The following SBK3 variants were observed in gnomAD, a reference collection of about 807,000 sequenced individuals.
SBK3 encodes uncharacterized serine/threonine-protein kinase SBK3.
In SBK3, 16 loss-of-function variants were observed where a neutral mutation model predicts 12.7. The ratio of observed to expected loss-of-function variants is 1.26; its 90% confidence interval spans 0.86 to 1.92. The LOEUF (loss-of-function observed/expected upper bound fraction) is 1.92. SBK3 is among the 40% of genes most tolerant of loss of function. The pLI is 0.00. For missense variants in SBK3, 462 were observed against 481.8 expected (o/e 0.96, Z 0.38); for synonymous variants, 217 against 213.6 (o/e 1.02, Z -0.14).
In SBK3 at chr19:55,541,386, G is replaced by A; in HGVS notation, c.540C>T (p.Ala180=). Reference sequence around the variant, plus strand: ...GCCGGGTCAGACCCAGGTCTCCCAGGGCCACACGGCTGCAGACCGGGTCGA... The same window carrying A: ...GCCGGGTCAGACCCAGGTCTCCCAGAGCCACACGGCTGCAGACCGGGTCGA... ...LVFDPVCSRV[A]LGDLGLTRPE... The change falls in exon 4 of 4, where the codon GCC becomes GCT. Residue 180 remains alanine (A), a synonymous_variant. Transcript: ENST00000612221. This position sits in a 1 kb window ranked among gnomAD's most constrained non-coding sequence, Gnocchi z 5.3. 3.3e-6 allele frequency: 5 copies of A among 1,535,800 alleles called. No homozygotes were observed. The highest frequency in any genetic ancestry group is 3.5e-6 in the Non-Finnish European group (4 of 1,146,816).
In SBK3 at chr19:55,544,202, G is replaced by C; in HGVS notation, c.297C>G (p.Gly99=). The C allele has an allele frequency of 6.5e-7, 1 of 1,536,008 alleles. No individual in the cohort carries two copies. The highest frequency in any genetic ancestry group is 1.7e-4 in the Middle Eastern group (1 of 5,990). Residue 99 remains glycine, a synonymous_variant, in exon 3 of 4, where the codon GGC becomes GGG. Transcript: ENST00000612221. ...GGGGTCCTGCCAGGGTCTGCAGCAG[G>C]CCTGGGTGTGCAGAGACGCAGCGGC... ...CVGRCVSAHP[G]LLQTLAGPLQ...
chr19:55,540,807 C>A lies in SBK3; in HGVS notation c.*39G>T. ...TGGCCCTGGGGGCTGGGGGAAGGGC[C>A]TCTGGCCCAGGCTCTGGCCACCTGT... On this transcript the variant is annotated 3_prime_UTR_variant, in exon 4 of 4. Transcript: ENST00000612221. The A allele has an allele frequency of 3.9e-6, 6 of 1,523,298 alleles. No homozygotes were observed. Among genetic ancestry groups the A allele is most frequent in the Non-Finnish European group, 5.3e-6 (6 of 1,135,224 alleles). 94.4% of individuals were successfully genotyped at this position (1,523,298 alleles called of 1,614,324 possible).
At position 55,544,238 on chromosome 19, in the gene SBK3, C is replaced by T; in HGVS notation, c.261G>A (p.Glu87=). The T allele has an allele frequency of 6.5e-7, 1 of 1,536,054 alleles. No homozygotes were observed. The highest frequency in any genetic ancestry group is 1.4e-5 in the African/African-American group (1 of 73,152). ...DLVLRSTFLR[E]FCVGRCVSAH... is the part of the protein sequence containing the mutation. Reference sequence around the variant, plus strand: ...CAGAGACGCAGCGGCCCACACAGAACTCCCTCAGGAAGGTGCTTCTCAGGA... The same window carrying T: ...CAGAGACGCAGCGGCCCACACAGAATTCCCTCAGGAAGGTGCTTCTCAGGA... The change falls in exon 3 of 4, where the codon GAG becomes GAA. Residue 87 remains glutamate, a synonymous_variant. Transcript: ENST00000612221.
rs1169426072 is a variant in SBK3 at position 55,541,221 on chromosome 19, A to G, written c.705T>C (p.Ala235=). The change falls in exon 4 of 4, where the codon GCT becomes GCC. Residue 235 remains alanine, a synonymous_variant. Transcript: ENST00000612221. The surrounding 1 kb of genome is among the most constrained non-coding windows in gnomAD (Gnocchi z 5.3). ...SWGLGVLLFC[A]ATACFPWDVA... is the part of the protein sequence containing the mutation. ...CGTCCCAAGGGAAACAGGCAGTGGC[A>G]GCACAGAAGAGAAGCACCCCCAGGC... 6.5e-7 allele frequency: 1 copy of G among 1,536,108 alleles called. No homozygotes were observed. The highest frequency in any genetic ancestry group is 1.4e-5 in the African/African-American group (1 of 73,170).
rs752866650 is a variant in SBK3, at chr19:55,540,868, C to T, written c.1058G>A (p.Gly353Glu). 9 of 1,535,948 alleles carry T rather than the reference C, an allele frequency of 5.9e-6. No homozygotes were observed. The East Asian group carries it at 7.3e-5, about 13-fold the overall frequency. Residue 353 changes from glycine to glutamate, a missense_variant, in exon 4 of 4, where the codon GGG (glycine) becomes GAG (glutamate). Coordinates refer to ENST00000612221, the MANE Select transcript of SBK3 (RefSeq NM_001199824.2). ...GDDSKSGGRT[G>E]TDGGAP is the part of the protein sequence containing the mutation. ...TGGTCAGGGAGCTCCCCCATCTGTC[C>T]CCGTCCTCCCACCACTTTTGCTGTC... is the stretch of plus-strand genomic sequence containing the variant.
Position 55,544,869 on chromosome 19 carries a change from C to G in SBK3, c.126G>C (p.Gln42His), listed in dbSNP as rs771943005. 1 of 1,534,220 alleles carries G rather than the reference C, an allele frequency of 6.5e-7. No homozygotes were observed. Among genetic ancestry groups the G allele is most frequent in the East Asian group, 2.5e-5 (1 of 40,790 alleles). ...RVTPVRSLRDQYHLIRKLGSG... is the reference protein window; with the variant it reads ...RVTPVRSLRDHYHLIRKLGSG... Reference sequence around the variant, plus strand: ...AGCCCAGCTTCCGGATGAGGTGGTACTGGTCCCGAAGGCTCCTCACCGGGG... The same window carrying G: ...AGCCCAGCTTCCGGATGAGGTGGTAGTGGTCCCGAAGGCTCCTCACCGGGG... The change falls in exon 2 of 4, where the codon CAG becomes CAC. Residue 42 changes from glutamine to histidine, a missense_variant. Gln to His is a conservative substitution (Grantham distance 24, BLOSUM62 0). Transcript: ENST00000612221.
chr19:55,544,398 T>C, intron 2 of SBK3, 96 bp from the exon 3 acceptor site: 1 of 972,968 alleles, frequency 1.0e-6, no homozygotes, highest in South Asian at 1.6e-5. Flanking sequence ...CTCACACTTC[T>C]CATGGGCAGC....
At position 55,540,661 on chromosome 19, in the gene SBK3, G is replaced by A; in HGVS notation, c.*185C>T. On this transcript the variant is annotated 3_prime_UTR_variant, in exon 4 of 4. Coordinates refer to ENST00000612221, the MANE Select transcript of SBK3 (RefSeq NM_001199824.2). ...TCCTGCGTCTGAGAGAGGAGGGGCA[G>A]GAGCTGGGCTCTTGGGTCCTCAGTT... The A allele has an allele frequency of 1.6e-6, 1 of 636,558 alleles. No homozygotes were observed. Among genetic ancestry groups the A allele is most frequent in the South Asian group, 1.8e-5 (1 of 55,294 alleles). The allele number at this position is 636,558 out of a possible 1,614,324, so 39.4% of individuals were successfully genotyped here.
intron 2 of SBK3, 141 bp from the exon 3 acceptor site, chr19:55,544,443 G>A (rs1988627695): frequency 1.4e-6 from 1 of 722,834 alleles, no homozygotes; most frequent in Non-Finnish European, 2.2e-6. Context: ...TGGGTGGGAG[G>A]AGACCTTCTT....
rs775339307 is a variant in SBK3, at chr19:55,541,293, C to T, written c.633G>A (p.Leu211=). 11 of 1,535,692 alleles carry T rather than the reference C, an allele frequency of 7.2e-6. No homozygotes were observed. Among genetic ancestry groups the T allele is most frequent in the South Asian group, 1.2e-5 (1 of 84,034 alleles). Residue 211 remains leucine, a synonymous_variant, in exon 4 of 4, where the codon CTG becomes CTA. Coordinates refer to ENST00000612221, the MANE Select transcript of SBK3 (RefSeq NM_001199824.2). The surrounding 1 kb of genome is among the most constrained non-coding windows in gnomAD (Gnocchi z 5.3). ...LPTAPPELCL[L]LPPDTLPLRP... ...GCAGAGGCAGGGTGTCGGGCGGTAGCAGGAGACAGAGCTCAGGCGGTGCCG... is the reference window on the plus strand; with the variant it reads ...GCAGAGGCAGGGTGTCGGGCGGTAGTAGGAGACAGAGCTCAGGCGGTGCCG...
In SBK3 at chr19:55,540,795, T is replaced by C. The variant is rs1033620430; in HGVS notation, c.*51A>G. The stretch of plus-strand genomic sequence containing the variant: ...TCTCCATCCAGGTGGCCCTGGGGGC[T>C]GGGGGAAGGGCCTCTGGCCCAGGCT... On this transcript the variant is annotated 3_prime_UTR_variant, in exon 4 of 4. Coordinates refer to ENST00000612221, the MANE Select transcript of SBK3 (RefSeq NM_001199824.2). The C allele has an allele frequency of 6.1e-6, 9 of 1,486,766 alleles. No individual in the cohort carries two copies. The African/African-American group carries it at 1.2e-4, about 21-fold the overall frequency. 92.1% of individuals were successfully genotyped at this position (1,486,766 alleles called of 1,614,324 possible). A position where few individuals can be genotyped will look rare whatever the true frequency, so the allele number is the denominator to read the frequency against.
rs923765048 is a variant in SBK3 at position 55,544,137 on chromosome 19, G to A, written c.362C>T (p.Ala121Val). ...PRYFAFAQEY[A>V]PCGDLSGMLQ... ...CATCCCGCTGAGGTCCCCACAGGGCGCGTACTCCTGGGCGAAGGCAAAATA... is the reference window on the plus strand; with the variant it reads ...CATCCCGCTGAGGTCCCCACAGGGCACGTACTCCTGGGCGAAGGCAAAATA... Residue 121 changes from alanine to valine, a missense_variant, in exon 3 of 4, where the codon GCG becomes GTG. Physicochemically the swap from Ala to Val is moderately conservative, Grantham distance 64. Coordinates refer to ENST00000612221, the MANE Select transcript of SBK3 (RefSeq NM_001199824.2). The A allele has an allele frequency of 3.0e-5, 46 of 1,532,018 alleles. No homozygotes were observed. In the Admixed American group the frequency reaches 6.5e-4, roughly 22 times the overall value. 94.9% of individuals were successfully genotyped at this position (1,532,018 alleles called of 1,614,324 possible).
chr19:55,541,086 C>T lies in SBK3; in HGVS notation c.840G>A (p.Leu280=). The T allele has an allele frequency of 6.5e-7, 1 of 1,535,942 alleles. No individual in the cohort carries two copies. The highest frequency in any genetic ancestry group is 1.2e-5 in the South Asian group (1 of 84,040). Residue 280 remains leucine, a synonymous_variant, in exon 4 of 4, where the codon CTG becomes CTA. Coordinates refer to ENST00000612221, the MANE Select transcript of SBK3 (RefSeq NM_001199824.2). The surrounding 1 kb of genome is among the most constrained non-coding windows in gnomAD (Gnocchi z 5.3). ...GGTCCAGAAGCCCCTGGAGCAAGGC[C>T]AGGGCTGGGGGCGCAAACTGGTCCC... is the stretch of plus-strand genomic sequence containing the variant. ...PPWDQFAPPA[L]ALLQGLLDLD...
Position 55,544,214 on chromosome 19 carries a change from A to G in SBK3, c.285T>C (p.Ser95=). ...GGGTCTGCAGCAGGCCTGGGTGTGC[A>G]GAGACGCAGCGGCCCACACAGAACT... The part of the protein sequence containing the change: ...LREFCVGRCV[S]AHPGLLQTLA... Residue 95 remains serine, a synonymous_variant, in exon 3 of 4, where the codon TCT becomes TCC. Coordinates refer to ENST00000612221, the MANE Select transcript of SBK3 (RefSeq NM_001199824.2). The G allele has an allele frequency of 6.5e-7, 1 of 1,536,016 alleles. No individual in the cohort carries two copies. Among genetic ancestry groups the G allele is most frequent in the East Asian group, 2.4e-5 (1 of 40,902 alleles).
At chr19:55,544,484 C>T (rs1051290117) in intron 2 of SBK3, among the ~76,000 whole-genome samples, 182 bp from the exon 3 acceptor site, 3 of 152,156 alleles carry the variant, frequency 2.0e-5, no homozygotes, top group Admixed American at 6.5e-5. Context: ...CCTCGGACTG[C>T]GGCGTGGGCT....
intron 3 of SBK3, among the ~76,000 whole-genome samples, chr19:55,542,651 C>T (rs1988580297): frequency 6.6e-6 from 1 of 151,580 alleles, no homozygotes; most frequent in South Asian, 2.1e-4. Flanking sequence ...ACCCACCCAT[C>T]CATCCACCAA....
chr19:55,544,127 C>T lies in SBK3; in HGVS notation c.372G>A (p.Gly124=), dbSNP rs1466881227. 1.3e-6 allele frequency: 2 copies of T among 1,522,718 alleles called. No homozygotes were observed. The highest frequency in any genetic ancestry group is 2.8e-5 in the African/African-American group (2 of 72,634). The allele number at this position is 1,522,718 out of a possible 1,614,324, so 94.3% of individuals were successfully genotyped here. The change falls in exon 3 of 4, where the codon GGG becomes GGA. Residue 124 remains glycine (G), a synonymous_variant. Coordinates refer to ENST00000612221, the MANE Select transcript of SBK3 (RefSeq NM_001199824.2). The part of the protein sequence containing the change: ...FAFAQEYAPC[G]DLSGMLQERG... The stretch of plus-strand genomic sequence containing the variant: ...TTTCCTGCAGCATCCCGCTGAGGTC[C>T]CCACAGGGCGCGTACTCCTGGGCGA...
Position 55,544,165 on chromosome 19 carries a change from G to A in SBK3, c.334C>T (p.Arg112Cys), listed in dbSNP as rs749126447. 3.1e-5 allele frequency: 47 copies of A among 1,535,142 alleles called. No homozygotes were observed. The highest frequency in any genetic ancestry group is 3.9e-5 in the Admixed American group (2 of 50,782). ...TACTCCTGGGCGAAGGCAAAATAGC[G>A]GGGGGTCTGTAGGGGTCCTGCCAGG... ...QTLAGPLQTP[R>C]YFAFAQEYAP... Residue 112 changes from arginine (R) to cysteine (C), a missense_variant, in exon 3 of 4, where the codon CGC (arginine) becomes TGC (cysteine). Coordinates refer to ENST00000612221, the MANE Select transcript of SBK3 (RefSeq NM_001199824.2).
chr19:55,545,512 TC>T lies in SBK3; in HGVS notation c.31del (p.Asp11MetfsTer18). The stretch of plus-strand genomic sequence containing the variant: ...CCCGTCTCTCACCTCTGGGTCCCCA[TC>T]CTCAGGGGTCTCGGAGGCCCTGCGC... MERRASETPE[D>X]GDPEEDTATA... On this transcript the variant is annotated frameshift_variant, in exon 1 of 4. Transcript: ENST00000612221. LOFTEE classifies it high-confidence loss of function. This position sits in a 1 kb window ranked among gnomAD's most constrained non-coding sequence, Gnocchi z 4.4. The T allele has an allele frequency of 7.8e-6, 12 of 1,534,730 alleles. No individual in the cohort carries two copies. The highest frequency in any genetic ancestry group is 1.0e-5 in the Non-Finnish European group (12 of 1,146,110).
Sources: allele counts gnomAD v4.1 joint callset (sites outside exome capture counted in the v4.1 genomes callset), GRCh38; gene constraint gnomAD v4.1.1; non-coding constraint Gnocchi (gnomAD v3.1); transcripts MANE v1.5; gene names NCBI Gene and HGNC (gene_info 2026-07-23, HGNC 2026-07-21).